The following HELB variants were observed in gnomAD, a reference collection of about 807,000 sequenced individuals.
HELB encodes the protein DNA 5'-3' helicase B.
HELB carries 96 observed loss-of-function variants against 101.7 expected under a neutral mutation model. That is an observed-to-expected ratio of 0.94 (90% CI 0.80 to 1.12). The LOEUF (loss-of-function observed/expected upper bound fraction) is 1.12, where lower values mean the gene tolerates loss of function less well. HELB is among the 50% of genes most tolerant of loss of function. The pLI is 0.00. For missense variants in HELB, 1,210 were observed against 1,291.9 expected (o/e 0.94, Z 0.97); for synonymous variants, 437 against 459.7 (o/e 0.95, Z 0.63).
downstream of HELB, chr12:66,339,333 G>A (rs1340186811): frequency 3.3e-5 from 5 of 151,056 alleles, no homozygotes; most frequent in African/African-American, 9.8e-5. Context: ...TAGAGACAAG[G>A]TCTCACTATG....
At chr12:66,318,849 C>T in intron 7 of HELB, 57 bp downstream of exon 7, 3 of 1,345,844 alleles carry the variant, frequency 2.2e-6, no homozygotes, top group Non-Finnish European at 2.0e-6. Flanking sequence ...AGTTTTGTAA[C>T]ATAGTTATTA....
At chr12:66,306,886 T>C (rs1030315572) in intron 3 of HELB, among the ~76,000 whole-genome samples, 16 of 152,332 alleles carry the variant, frequency 1.1e-4, no homozygotes, top group Non-Finnish European at 1.5e-5. Flanking sequence ...ATTTGGCAAG[T>C]CCATTCTGCT....
At chr12:66,320,110 A>G (rs1179149473) in intron 7 of HELB, among the ~76,000 whole-genome samples, 1 of 152,138 alleles carries the variant, frequency 6.6e-6, no homozygotes, top group Non-Finnish European at 1.5e-5. Context: ...AGTAAACTTA[A>G]CTAAATACTT....
intron 7 of HELB, among the ~76,000 whole-genome samples, chr12:66,319,208 A>T (rs1565640367): frequency 6.6e-6 from 1 of 152,212 alleles, no homozygotes; most frequent in Admixed American, 6.5e-5. Flanking sequence ...TTTGTTTCTG[A>T]AACAAAAATT....
chr12:66,304,982 T>C lies in HELB; in HGVS notation c.439T>C (p.Trp147Arg), dbSNP rs1265337698. Residue 147 changes from tryptophan to arginine, a missense_variant, in exon 2 of 13, where the codon TGG becomes CGG. Trp to Arg is a moderately radical substitution (Grantham distance 101). Transcript: ENST00000247815. ...SSDDVNKFLT[W>R]VKEVSNYKNL... The stretch of plus-strand genomic sequence containing the variant: ...TGATGATGTTAATAAATTTTTAACA[T>C]GGGTAAAGGAGGTATCAAACTACAA... 2 of 1,613,962 alleles carry C rather than the reference T, an allele frequency of 1.2e-6. No homozygotes were observed. Among genetic ancestry groups the C allele is most frequent in the Non-Finnish European group, 1.7e-6 (2 of 1,179,954 alleles).
intron 3 of HELB, among the ~76,000 whole-genome samples, chr12:66,307,588 C>T (rs983745833): frequency 1.3e-4 from 20 of 151,952 alleles, no homozygotes; most frequent in Admixed American, 9.8e-4. Flanking sequence ...TGCGATCAGG[C>T]CCTTACTCTC....
At chr12:66,312,053 G>A (rs527649060) in intron 4 of HELB, among the ~76,000 whole-genome samples, 1 of 152,336 alleles carries the variant, frequency 6.6e-6, no homozygotes, top group South Asian at 2.1e-4. Context: ...CAGAATAGTG[G>A]AAATTAAACT....
In HELB at chr12:66,302,769, A is replaced by G; in HGVS notation, c.166A>G (p.Ser56Gly). 1 of 1,612,194 alleles carries G rather than the reference A, an allele frequency of 6.2e-7. No homozygotes were observed. Among genetic ancestry groups the G allele is most frequent in the South Asian group, 1.1e-5 (1 of 90,954 alleles). Residue 56 changes from serine (S) to glycine (G), a missense_variant, in exon 1 of 13, where the codon AGC becomes GGC. Ser to Gly is a moderately conservative substitution (Grantham distance 56). Transcript: ENST00000247815. ...ELCSGGVKAG[S>G]LPGCLRVSIC... ...CTGCAGTGGGGGCGTAAAGGCTGGC[A>G]GCCTCCCCGGGTGCCTCCGCGGTGA...
chr12:66,304,022 C>G (rs1327461055), intron 1 of HELB, among the ~76,000 whole-genome samples: 1 of 152,180 alleles, frequency 6.6e-6, no homozygotes, highest in African/African-American at 2.4e-5. Flanking sequence ...GGGTGGACAG[C>G]GCAGATTTAG....
intron 8 of HELB, 90 bp from the exon 9 acceptor site, chr12:66,322,634 G>A: frequency 4.3e-6 from 3 of 695,616 alleles, no homozygotes; most frequent in East Asian, 2.8e-5. Context: ...GAAACGTTTT[G>A]TAGAATCTAG....
At chr12:66,323,901 A>T in intron 9 of HELB, 82 bp from the exon 10 acceptor site, 1 of 840,878 alleles carries the variant, frequency 1.2e-6, no homozygotes, top group East Asian at 2.4e-5. Flanking sequence ...AATTGAAACG[A>T]GTCTGAGTAG....
Position 66,338,106 on chromosome 12 carries a change from T to A in HELB, c.*4T>A. On this transcript the variant is annotated 3_prime_UTR_variant, in exon 13 of 13. Coordinates refer to ENST00000247815, the MANE Select transcript of HELB (RefSeq NM_001370285.1). ...CACCGATAATCAAGAAACTTAGTTT[T>A]ATTTCAAATTGTTCCGAGTAACTAT... 1 of 1,429,160 alleles carries A rather than the reference T, an allele frequency of 7.0e-7. No homozygotes were observed. The allele number at this position is 1,429,160 out of a possible 1,614,324, so 88.5% of individuals were successfully genotyped here. A position where few individuals can be genotyped will look rare whatever the true frequency, so the allele number is the denominator to read the frequency against.
chr12:66,307,767 T>TC lies in HELB; in HGVS notation c.777+1256dup, dbSNP rs1216288359. On this transcript the variant is annotated intron_variant, in intron 3 of 12. Coordinates refer to ENST00000247815, the MANE Select transcript of HELB (RefSeq NM_001370285.1). ...CCCTTTTCTTTTCTTTTTTTTTTTT[T>TC]CCCACCCAGCCTGGAGTGCAATGGT... Among the ~76,000 whole-genome samples the TC allele has an allele frequency of 1.3e-3, 189 of 149,952 alleles. 1 individual carries two copies. The highest frequency in any genetic ancestry group is 1.8e-3 in the Non-Finnish European group (123 of 67,392).
Position 66,325,049 on chromosome 12 carries a change from G to A in HELB, c.2593G>A (p.Val865Ile), listed in dbSNP as rs780411301. The change falls in exon 11 of 13, where the codon GTA (valine) becomes ATA (isoleucine). Residue 865 changes from valine to isoleucine, a missense_variant. This residue lies in a region of HELB where 740 missense variants were observed against 728.8 expected (regional missense o/e 1.02). Transcript: ENST00000247815. Reference sequence around the variant, plus strand: ...CATTAATAATATGGCTGGCCTGGAAGTAACTGTGGATTTTAAGAAACTAAT... The same window carrying A: ...CATTAATAATATGGCTGGCCTGGAAATAACTGTGGATTTTAAGAAACTAAT... ...LTINNMAGLEVTVDFKKLMKY... is the reference protein window; with the variant it reads ...LTINNMAGLEITVDFKKLMKY... 7 of 1,613,556 alleles carry A rather than the reference G, an allele frequency of 4.3e-6. No homozygotes were observed. In the South Asian group the frequency reaches 7.7e-5, roughly 18 times the overall value.
intron 12 of HELB, among the ~76,000 whole-genome samples, chr12:66,332,390 G>A (rs566750293): frequency 4.0e-4 from 61 of 152,188 alleles, no homozygotes; most frequent in African/African-American, 1.1e-3. Context: ...ATGGTCAACC[G>A]TGGTCCAAAA....
At position 66,309,684 on chromosome 12, in the gene HELB, A is replaced by G. The variant is rs1019710153; in HGVS notation, c.778-22A>G. Reference sequence around the variant, plus strand: ...AAACACTTATGATGTTTATAAACCAACCTGAACTTTATTTCTTAAAGATAA... The same window carrying G: ...AAACACTTATGATGTTTATAAACCAGCCTGAACTTTATTTCTTAAAGATAA... On this transcript the variant is annotated intron_variant, in intron 3 of 12. Coordinates refer to ENST00000247815, the MANE Select transcript of HELB (RefSeq NM_001370285.1). 7 of 1,525,054 alleles carry G rather than the reference A, an allele frequency of 4.6e-6. No individual in the cohort carries two copies. In the African/African-American group the frequency reaches 8.3e-5, roughly 18 times the overall value. The allele number at this position is 1,525,054 out of a possible 1,614,324, so 94.5% of individuals were successfully genotyped here. A position where few individuals can be genotyped will look rare whatever the true frequency, so the allele number is the denominator to read the frequency against.
At chr12:66,340,597 G>A, downstream of HELB, 1 of 114,062 alleles carries the variant, frequency 8.8e-6, no homozygotes, top group Non-Finnish European at 1.6e-5. Context: ...CAACTAATAG[G>A]ATATATATAT....
rs749376676 is a variant in HELB at position 66,302,839 on chromosome 12, C to CG, written c.187+50dup. ...GATGGGGTTGGAGGGTCCAAAGTAGCGCTTCCCATTCTGGCTTTGCCCTGA... is the reference window on the plus strand; with the variant it reads ...GATGGGGTTGGAGGGTCCAAAGTAGCGGCTTCCCATTCTGGCTTTGCCCTGA... On this transcript the variant is annotated intron_variant, in intron 1 of 12. Transcript: ENST00000247815. 3 of 1,498,176 alleles carry CG rather than the reference C, an allele frequency of 2.0e-6. No individual in the cohort carries two copies. In the South Asian group the frequency reaches 3.7e-5, roughly 18 times the overall value. The allele number at this position is 1,498,176 out of a possible 1,614,324, so 92.8% of individuals were successfully genotyped here.
intron 2 of HELB, 140 bp from the exon 3 acceptor site, chr12:66,306,205 C>T: frequency 1.9e-6 from 1 of 515,790 alleles, no homozygotes; most frequent in Non-Finnish European, 3.3e-6. Flanking sequence ...TCAAAATTTT[C>T]TTACTGGTTA....
Sources: gnomAD v4.1 joint callset for allele counts (sites outside exome capture counted in the v4.1 genomes callset) on GRCh38, gnomAD v4.1.1 for gene constraint, gnomAD v4.1.1 regional missense constraint, MANE v1.5 for transcripts, NCBI Gene and HGNC (gene_info 2026-07-23, HGNC 2026-07-21) for gene names.